Variants in ERCC8 observed in about 807,000 individuals in gnomAD.
ERCC8 encodes DNA excision repair protein ERCC-8.
ERCC8 carries 52 observed loss-of-function variants against 54.9 expected under a neutral mutation model. The observed-to-expected ratio is 0.95, with a 90% CI of 0.76 to 1.19. The LOEUF is 1.19. Ranked by LOEUF, ERCC8 falls within the 50% of genes most tolerant of loss-of-function variation. ERCC8 has a pLI of 0.00. For synonymous variants in ERCC8, 146 were observed against 157.2 expected, an observed-to-expected ratio of 0.93 and a Z score of 0.53; for missense variants, 514 against 466.1, an observed-to-expected ratio of 1.10 and a Z score of -0.95.
At chr5:60,918,093 T>C in intron 4 of ERCC8, 172 bp downstream of exon 4, 1 of 608,726 alleles carries the variant, frequency 1.6e-6, no homozygotes, top group Non-Finnish European at 3.0e-6. Flanking sequence ...GTCATACAGC[T>C]GTCAGCAGCA....
chr5:60,892,850 C>T, intron 9 of ERCC8: 1 of 693,266 alleles, frequency 1.4e-6, no homozygotes, highest in Non-Finnish European at 2.7e-6. Context: ...CATGGCTGTG[C>T]TTCAGGCTTT....
At chr5:60,929,323 C>T (rs991619401) in intron 1 of ERCC8, among the ~76,000 whole-genome samples, 4 of 152,110 alleles carry the variant, frequency 2.6e-5, no homozygotes, top group Non-Finnish European at 5.9e-5. Context: ...GGGCTGGGTG[C>T]AGTGGCTCAT....
chr5:60,918,325 G>T lies in ERCC8; in HGVS notation c.339C>A (p.Gly113=). 6.3e-7 allele frequency: 1 copy of T among 1,587,774 alleles called. No individual in the cohort carries two copies. The highest frequency in any genetic ancestry group is 8.6e-7 in the Non-Finnish European group (1 of 1,156,388). Reference sequence around the variant, plus strand: ...TATCAAATGAGCTTGATGTGAACATGCCAGTGTCATGAGGATACCACTGTA... The same window carrying T: ...TATCAAATGAGCTTGATGTGAACATTCCAGTGTCATGAGGATACCACTGTA... ...ETVQWYPHDT[G]MFTSSSFDKT... The change falls in exon 4 of 12, where the codon GGC becomes GGA. Residue 113 remains glycine (G), a synonymous_variant. Transcript: ENST00000676185.
In ERCC8 at chr5:60,867,317, C is replaced by T. The variant is rs967052280; in HGVS notation, c.*7298G>A. On this transcript the variant is annotated 3_prime_UTR_variant, in exon 12 of 12. Coordinates refer to ENST00000676185, the MANE Select transcript of ERCC8 (RefSeq NM_000082.4). Reference sequence around the variant, plus strand: ...TCACTCAGGGTGGAGTGCAGTGGGGCGATCTCGGCTCACTGCAACCTCCGC... The same window carrying T: ...TCACTCAGGGTGGAGTGCAGTGGGGTGATCTCGGCTCACTGCAACCTCCGC... 3.3e-5 allele frequency among the ~76,000 whole-genome samples: 5 copies of T among 151,818 alleles called. No homozygotes were observed. Among genetic ancestry groups the T allele is most frequent in the African/African-American group, 7.3e-5 (3 of 41,296 alleles).
At chr5:60,923,236 A>C (rs1443828647) in intron 2 of ERCC8, among the ~76,000 whole-genome samples, 1 of 152,144 alleles carries the variant, frequency 6.6e-6, no homozygotes, top group East Asian at 1.9e-4. Flanking sequence ...ACTTTGCAAA[A>C]ATATTTCTAA....
Position 60,928,888 on chromosome 5 carries a change from T to C in ERCC8, c.149A>G (p.Asp50Gly), listed in dbSNP as rs373174008. 2.5e-4 allele frequency: 405 copies of C among 1,603,900 alleles called. 7 individuals are homozygous for C. The South Asian group carries it at 2.6e-3, about 10-fold the overall frequency. Residue 50 changes from aspartate to glycine, a missense_variant, in exon 2 of 12, where the codon GAC (aspartate) becomes GGC (glycine). Asp to Gly is a moderately conservative substitution (Grantham distance 94). Transcript: ENST00000676185. ...CTATCTCCCTTCAACAGGTTCAATG[T>C]CAAGGGTGTTAATTCCACCGCCGTG... ...RIHGGGINTLDIEPVEGRYML... is the reference protein window; with the variant it reads ...RIHGGGINTLGIEPVEGRYML...
At chr5:60,914,789 TAAA>T (rs55638584) in intron 4 of ERCC8, among the ~76,000 whole-genome samples, 3 of 121,344 alleles carry the variant, frequency 2.5e-5, no homozygotes, top group Admixed American at 8.8e-5. Flanking sequence ...TCTTGTCTCT[TAAA>T]AAAAAAAAAA....
intron 5 of ERCC8, among the ~76,000 whole-genome samples, chr5:60,904,082 G>GTGTA (rs1024791555): frequency 2.7e-4 from 41 of 152,036 alleles, no homozygotes; most frequent in Non-Finnish European, 4.7e-4. Context: ...ATTGGTAAAT[G>GTGTA]TGTATGTATG....
At position 60,867,909 on chromosome 5, in the gene ERCC8, G is replaced by A. The variant is rs1346266475; in HGVS notation, c.*6706C>T. On this transcript the variant is annotated 3_prime_UTR_variant, in exon 12 of 12. Coordinates refer to ENST00000676185, the MANE Select transcript of ERCC8 (RefSeq NM_000082.4). ...AAAGAGCTGACTACAGGCTGGCCGC[G>A]GTGGCTCATGCCTGTAATCCCTGCA... Among the ~76,000 whole-genome samples, 3 of 152,196 alleles carry A rather than the reference G, an allele frequency of 2.0e-5. No homozygotes were observed. Among genetic ancestry groups the A allele is most frequent in the African/African-American group, 7.2e-5 (3 of 41,444 alleles).
Position 60,874,478 on chromosome 5 carries a change from C to A in ERCC8, c.*137G>T. On this transcript the variant is annotated 3_prime_UTR_variant, in exon 12 of 12. Transcript: ENST00000676185. ...TTTAGGATTTTATGCAAATATTAAC[C>A]TCATTTTAAAACATGAGGAAAAATA... 1.4e-6 allele frequency: 1 copy of A among 736,312 alleles called. No homozygotes were observed. Among genetic ancestry groups the A allele is most frequent in the Non-Finnish European group, 2.3e-6 (1 of 436,520 alleles). 45.6% of individuals were successfully genotyped at this position (736,312 alleles called of 1,614,324 possible).
rs1486331748 is a variant in ERCC8 at position 60,918,291 on chromosome 5, T to C, written c.373A>G (p.Lys125Glu). The C allele has an allele frequency of 1.9e-6, 3 of 1,599,352 alleles. No homozygotes were observed. In the South Asian group the frequency reaches 3.3e-5, roughly 18 times the overall value. Residue 125 changes from lysine to glutamate, a missense_variant, in exon 4 of 12, where the codon AAA becomes GAA. Transcript: ENST00000676185. ...TGTAATGTATTTGTATCCCATACTTTCAGAGTTTTATCAAATGAGCTTGAT... is the reference window on the plus strand; with the variant it reads ...TGTAATGTATTTGTATCCCATACTTCCAGAGTTTTATCAAATGAGCTTGAT... ...FTSSSFDKTL[K>E]VWDTNTLQTA...
intron 11 of ERCC8, among the ~76,000 whole-genome samples, chr5:60,876,342 G>T (rs552626731): frequency 1.3e-5 from 2 of 152,134 alleles, no homozygotes; most frequent in African/African-American, 4.8e-5. Flanking sequence ...ATAAACATAC[G>T]TGTGCATGTG....
At chr5:60,912,622 C>T (rs918501256) in intron 4 of ERCC8, among the ~76,000 whole-genome samples, 7 of 152,052 alleles carry the variant, frequency 4.6e-5, no homozygotes, top group Admixed American at 6.5e-5. Flanking sequence ...GAACTTCCAA[C>T]GCTATGTTAA....
Position 60,918,276 on chromosome 5 carries a change from T to C in ERCC8, c.388A>G (p.Asn130Asp), listed in dbSNP as rs1561510283. The change falls in exon 4 of 12, where the codon AAT becomes GAT. Residue 130 changes from asparagine (N) to aspartate (D), a missense_variant. Asn to Asp is a conservative substitution (Grantham distance 23). Coordinates refer to ENST00000676185, the MANE Select transcript of ERCC8 (RefSeq NM_000082.4). ...TTTAATGTACTTACTTGTAATGTAT[T>C]TGTATCCCATACTTTCAGAGTTTTA... ...FDKTLKVWDTNTLQTADVFNF... is the reference protein window; with the variant it reads ...FDKTLKVWDTDTLQTADVFNF... 1 of 1,597,468 alleles carries C rather than the reference T, an allele frequency of 6.3e-7. No homozygotes were observed. Among genetic ancestry groups the C allele is most frequent in the African/African-American group, 1.3e-5 (1 of 74,614 alleles).
chr5:60,917,372 T>G (rs1749466913), intron 4 of ERCC8: 1 of 152,048 alleles, frequency 6.6e-6, no homozygotes, highest in Admixed American at 6.6e-5. Context: ...AACATAGGAT[T>G]GAAGGAACAA....
At chr5:60,910,458 G>A (rs542774871) in intron 4 of ERCC8, among the ~76,000 whole-genome samples, 5 of 152,242 alleles carry the variant, frequency 3.3e-5, no homozygotes, top group African/African-American at 1.2e-4. Flanking sequence ...TGATTCTATA[G>A]ATCAGTTTGG....
chr5:60,887,505 T>C lies in ERCC8; in HGVS notation c.1057A>G (p.Ser353Gly), dbSNP rs550304879. 16 of 1,613,602 alleles carry C rather than the reference T, an allele frequency of 9.9e-6. No individual in the cohort carries two copies. In the East Asian group the frequency reaches 3.6e-4, roughly 36 times the overall value. ...QSNFQELYSG[S>G]RDCNILAWVP... ...CAAGCCAGAATGTTGCAGTCTCTGC[T>C]ACCACTATAAAGTTCCTATAACATA... is the stretch of plus-strand genomic sequence containing the variant. The change falls in exon 11 of 12, where the codon AGC becomes GGC. Residue 353 changes from serine to glycine, a missense_variant. Ser to Gly is a moderately conservative substitution (Grantham distance 56). Coordinates refer to ENST00000676185, the MANE Select transcript of ERCC8 (RefSeq NM_000082.4).
intron 4 of ERCC8, among the ~76,000 whole-genome samples, chr5:60,916,106 C>T (rs538142142): frequency 2.0e-5 from 3 of 152,146 alleles, no homozygotes; most frequent in African/African-American, 7.2e-5. Context: ...TTTCTTAAGT[C>T]TATGGTCTCG....
chr5:60,893,280 C>T (rs1748621554), intron 9 of ERCC8: 1 of 1,015,156 alleles, frequency 9.9e-7, no homozygotes. Flanking sequence ...ATATTTAATT[C>T]CTGCAAAACT....
Sources: allele counts gnomAD v4.1 joint callset (sites outside exome capture counted in the v4.1 genomes callset), GRCh38; gene constraint gnomAD v4.1.1; transcripts MANE v1.5; gene names NCBI Gene and HGNC (gene_info 2026-07-23, HGNC 2026-07-21).